SLCO3A1: variants seen among roughly 807,000 people sequenced by gnomAD.
SLCO3A1 encodes the protein solute carrier organic anion transporter family member 3A1, also known as PGE1 transporter.
A neutral mutation model predicts 63.1 loss-of-function variants in SLCO3A1; 27 were observed. The ratio of observed to expected loss-of-function variants is 0.43; its 90% CI spans 0.32 to 0.59. SLCO3A1 has a LOEUF of 0.59. Ranked by LOEUF, SLCO3A1 falls within the 20% of genes least tolerant of loss-of-function variation. The probability of loss-of-function intolerance (pLI) is 0.09; values close to 1 mark genes in which losing one functional copy is unlikely to be tolerated. For synonymous variants in SLCO3A1, 473 were observed against 409.9 expected (o/e 1.15, Z -1.86); for missense variants, 773 against 945.8 (o/e 0.82, Z 2.40).
chr15:92,035,534 T>C (rs1167949479), intron 2 of SLCO3A1, among the ~76,000 whole-genome samples: 2 of 151,824 alleles, frequency 1.3e-5, no homozygotes, highest in Non-Finnish European at 2.9e-5. Flanking sequence ...CTGGTTTTGC[T>C]TCCTGTTGCC....
chr15:91,953,193 T>C (rs146548775), intron 2 of SLCO3A1, among the ~76,000 whole-genome samples: 2 of 152,300 alleles, frequency 1.3e-5, no homozygotes, highest in African/African-American at 4.8e-5. Flanking sequence ...TAACGTAAGA[T>C]AAACTGTCAT....
intron 8 of SLCO3A1, chr15:92,148,747 G>C (rs954625188): frequency 2.4e-4 from 36 of 152,082 alleles, no homozygotes; most frequent in African/African-American, 8.2e-4. Flanking sequence ...AAAAAAGAAA[G>C]AGCTCAATGC....
chr15:91,853,741 T>G lies in SLCO3A1; in HGVS notation c.-168T>G. ...GGCGGCGGCGGCGGCGGCGAGGAGC[T>G]GTGCCTTCCACCTCTCCAGCCCCGG... On this transcript the variant is annotated 5_prime_UTR_variant, in exon 1 of 10. Coordinates refer to ENST00000318445, the MANE Select transcript of SLCO3A1 (RefSeq NM_013272.4). 1 of 558,998 alleles carries G rather than the reference T, an allele frequency of 1.8e-6. No homozygotes were observed. The highest frequency in any genetic ancestry group is 2.3e-6 in the Non-Finnish European group (1 of 432,332). 34.6% of individuals were successfully genotyped at this position (558,998 alleles called of 1,614,324 possible).
chr15:91,930,651 G>A (rs977606637), intron 2 of SLCO3A1, among the ~76,000 whole-genome samples: 4 of 152,124 alleles, frequency 2.6e-5, no homozygotes, highest in South Asian at 4.1e-4. Context: ...GTCAGTCCCC[G>A]TACAAGGTGC....
chr15:92,114,720 A>G (rs926209668), intron 4 of SLCO3A1, among the ~76,000 whole-genome samples: 5 of 151,768 alleles, frequency 3.3e-5, no homozygotes, highest in Non-Finnish European at 7.4e-5. Context: ...TGTGGGTCTC[A>G]TGTGTTGGGA....
chr15:91,864,619 T>A (rs535255678), intron 1 of SLCO3A1, among the ~76,000 whole-genome samples: 75 of 152,148 alleles, frequency 4.9e-4, no homozygotes, highest in African/African-American at 1.7e-3. Flanking sequence ...TAGGATTTCA[T>A]TGGGGAATAC....
Position 92,165,284 on chromosome 15 carries a change from G to C in SLCO3A1, c.*2149G>C. On this transcript the variant is annotated 3_prime_UTR_variant, in exon 10 of 10. Coordinates refer to ENST00000318445, the MANE Select transcript of SLCO3A1 (RefSeq NM_013272.4). ...TGAAAATGGGGACACTCATCAGTACGTTAACTACTAAAGGGGAGATGGTTC... is the reference window on the plus strand; with the variant it reads ...TGAAAATGGGGACACTCATCAGTACCTTAACTACTAAAGGGGAGATGGTTC... 3.0e-6 allele frequency: 3 copies of C among 985,350 alleles called. No homozygotes were observed. The highest frequency in any genetic ancestry group is 3.6e-6 in the Non-Finnish European group (3 of 829,870). The allele number at this position is 985,350 out of a possible 1,614,324, so 61.0% of individuals were successfully genotyped here. A position where few individuals can be genotyped will look rare whatever the true frequency, so the allele number is the denominator to read the frequency against.
At chr15:92,145,857 G>C (rs2048214858) in intron 7 of SLCO3A1, among the ~76,000 whole-genome samples, 1 of 152,204 alleles carries the variant, frequency 6.6e-6, no homozygotes, top group African/African-American at 2.4e-5. Flanking sequence ...AAAAGCCCCT[G>C]TTGGGGGCAC....
chr15:92,133,061 G>A (rs1248943499), intron 7 of SLCO3A1, among the ~76,000 whole-genome samples: 1 of 146,006 alleles, frequency 6.8e-6, no homozygotes, highest in Non-Finnish European at 1.5e-5. Flanking sequence ...TTTTGGGCCA[G>A]ATAATGGATT....
At chr15:92,015,751 T>A (rs1216503777) in intron 2 of SLCO3A1, among the ~76,000 whole-genome samples, 1 of 152,152 alleles carries the variant, frequency 6.6e-6, no homozygotes, top group East Asian at 1.9e-4. Flanking sequence ...TTGCTGATGA[T>A]AAGACTGGTC....
chr15:91,880,996 CG>C (rs1035675005), intron 1 of SLCO3A1, among the ~76,000 whole-genome samples: 23 of 152,174 alleles, frequency 1.5e-4, no homozygotes, highest in Middle Eastern at 6.8e-3. Flanking sequence ...GCTAGCCAGG[CG>C]ATATGTCTCC....
intron 2 of SLCO3A1, among the ~76,000 whole-genome samples, chr15:91,978,668 AC>A (rs1254602854): frequency 6.6e-6 from 1 of 152,070 alleles, no homozygotes; most frequent in Admixed American, 6.6e-5. Context: ...TTATTTATTA[AC>A]CCAGGTTTAC....
At chr15:92,155,417 T>A (rs1217394025) in intron 9 of SLCO3A1, 7 of 152,274 alleles carry the variant, frequency 4.6e-5, no homozygotes, top group Non-Finnish European at 8.8e-5. Context: ...GCGGCTGCAG[T>A]AGGAGAACAA....
Position 92,160,506 on chromosome 15 carries a change from C to T in SLCO3A1, c.1754-2250C>T, listed in dbSNP as rs1032417683. ...AATGCTACGAATATGCGCTTCCATT[C>T]GGCAGGACCACAGCCCAACCTGGCA... On this transcript the variant is annotated intron_variant, in intron 9 of 9. Transcript: ENST00000318445. Among the ~76,000 whole-genome samples the T allele has an allele frequency of 5.9e-5, 9 of 152,198 alleles. No homozygotes were observed. In the East Asian group the frequency reaches 1.5e-3, roughly 26 times the overall value.
chr15:92,138,056 A>G (rs1415334481), intron 7 of SLCO3A1, among the ~76,000 whole-genome samples: 2 of 110,250 alleles, frequency 1.8e-5, no homozygotes, highest in Non-Finnish European at 3.5e-5. Context: ...GCCCATGCCT[A>G]TGTCCTGAAT....
intron 2 of SLCO3A1, among the ~76,000 whole-genome samples, chr15:92,009,527 G>A (rs142627544): frequency 1.6e-3 from 250 of 152,314 alleles, no homozygotes; most frequent in African/African-American, 5.7e-3. Flanking sequence ...CCAGGGATTC[G>A]TGTGTCAGGA....
chr15:92,022,675 C>A (rs907999520), intron 2 of SLCO3A1, among the ~76,000 whole-genome samples: 1 of 152,208 alleles, frequency 6.6e-6, no homozygotes, highest in Non-Finnish European at 1.5e-5. Flanking sequence ...AGTCTGCAAA[C>A]ATACAGCTGA....
At chr15:92,090,511 C>T (rs1282357902) in intron 2 of SLCO3A1, among the ~76,000 whole-genome samples, 1 of 152,162 alleles carries the variant, frequency 6.6e-6, no homozygotes, top group East Asian at 1.9e-4. Flanking sequence ...CCTGGGAGGT[C>T]GGGCTGGCAA....
At chr15:92,152,514 A>G (rs1412967037) in intron 9 of SLCO3A1, among the ~76,000 whole-genome samples, 4 of 152,216 alleles carry the variant, frequency 2.6e-5, no homozygotes, top group Admixed American at 6.5e-5. Flanking sequence ...GCGCTAATTC[A>G]AAGTAAAGCA....
Sources: gnomAD v4.1 joint callset for allele counts (sites outside exome capture counted in the v4.1 genomes callset) on GRCh38, gnomAD v4.1.1 for gene constraint, MANE v1.5 for transcripts, NCBI Gene and HGNC (gene_info 2026-07-23, HGNC 2026-07-21) for gene names.